The following RPS6KA6 variants were observed in gnomAD, a reference collection of about 807,000 sequenced individuals.
RPS6KA6 encodes the protein ribosomal protein S6 kinase alpha-6.
A neutral mutation model predicts 65.4 loss-of-function variants in RPS6KA6; 27 were observed. The ratio of observed to expected loss-of-function variants is 0.41; its 90% CI spans 0.30 to 0.57. The LOEUF (loss-of-function observed/expected upper bound fraction) is 0.57. Among genes scored for constraint, RPS6KA6 ranks in the 20% least tolerant of loss-of-function variants. RPS6KA6 has a pLI of 0.24. For synonymous variants in RPS6KA6, 190 were observed against 184.2 expected (o/e 1.03, Z -0.26); for missense variants, 486 against 555.6 (o/e 0.87, Z 1.26).
intron 12 of RPS6KA6, 112 bp downstream of exon 12, chrX:84,116,117 T>A: frequency 2.3e-6 from 1 of 434,972 alleles, no homozygotes; most frequent in South Asian, 4.6e-5. Context: ...GAAAAATAAA[T>A]ATGTATGTAA....
At chrX:84,143,962 T>C (rs2035152594) in intron 6 of RPS6KA6, among the ~76,000 whole-genome samples, 1 of 111,222 alleles carries the variant, frequency 9.0e-6, no homozygotes, top group Non-Finnish European at 1.9e-5. Flanking sequence ...AATGATGCTA[T>C]AACAACTGGC....
chrX:84,092,229 T>A (rs1168589030), intron 20 of RPS6KA6, among the ~76,000 whole-genome samples: 3 of 110,213 alleles, frequency 2.7e-5, no homozygotes, highest in African/African-American at 9.9e-5. Context: ...AAAAAAAAAA[T>A]ATTCAGGGAA....
At chrX:84,162,865 CATTTA>C (rs1243958614) in intron 2 of RPS6KA6, among the ~76,000 whole-genome samples, 8 of 112,073 alleles carry the variant, frequency 7.1e-5, no homozygotes, top group Non-Finnish European at 1.3e-4. Flanking sequence ...TGATAGTTTA[CATTTA>C]ATTATACTCA....
rs2033272625 is a variant in RPS6KA6 at position 84,059,823 on chromosome X, A to ATATT, written c.*4450_*4453dup. 8.9e-6 allele frequency: 1 copy of ATATT among 111,975 alleles called. No homozygotes were observed. The highest frequency in any genetic ancestry group is 2.8e-4 in the East Asian group (1 of 3,582). 9.2% of individuals were successfully genotyped at this position (111,975 alleles called of 1,213,427 possible). A position where few individuals can be genotyped will look rare whatever the true frequency, so the allele number is the denominator to read the frequency against. On this transcript the variant is annotated 3_prime_UTR_variant, in exon 22 of 22. Transcript: ENST00000262752. ...ACCCTAACTTGGCAATTACATATAT[A>ATATT]TATTTATTTATAAGCATTTAGCTAA...
At chrX:84,080,696 A>C (rs2033776248) in intron 20 of RPS6KA6, among the ~76,000 whole-genome samples, 1 of 108,260 alleles carries the variant, frequency 9.2e-6, no homozygotes, top group Non-Finnish European at 1.9e-5. Context: ...ACCACATCAC[A>C]CTTATTCTAA....
At chrX:84,148,241 A>C in intron 3 of RPS6KA6, 118 bp from the exon 4 acceptor site, 1 of 413,925 alleles carries the variant, frequency 2.4e-6, no homozygotes, top group Non-Finnish European at 4.2e-6. Context: ...TTATAAACAT[A>C]TGCCTTCCCA....
chrX:84,165,161 T>C (rs1436810843), intron 1 of RPS6KA6, among the ~76,000 whole-genome samples: 1 of 110,695 alleles, frequency 9.0e-6, no homozygotes, highest in Non-Finnish European at 1.9e-5. Flanking sequence ...AAATATTTCC[T>C]ATCTGCACCC....
chrX:84,173,182 T>G (rs755377525), intron 1 of RPS6KA6, among the ~76,000 whole-genome samples: 10 of 110,919 alleles, frequency 9.0e-5, no homozygotes, highest in Non-Finnish European at 1.7e-4. Flanking sequence ...TAGTAATACA[T>G]CACATCAGGT....
At chrX:84,149,164 A>G (rs189360629) in intron 3 of RPS6KA6, among the ~76,000 whole-genome samples, 4 of 112,063 alleles carry the variant, frequency 3.6e-5, no homozygotes, top group African/African-American at 1.3e-4. Flanking sequence ...TTTTATCATG[A>G]GACTGCAGCA....
intron 17 of RPS6KA6, 87 bp downstream of exon 17, chrX:84,104,412 G>T: frequency 1.8e-6 from 1 of 550,348 alleles, no homozygotes; most frequent in Non-Finnish European, 2.6e-6. Context: ...GTGAATAAAA[G>T]CAACTTATTT....
chrX:84,158,921 T>C (rs956820681), intron 2 of RPS6KA6, among the ~76,000 whole-genome samples: 3 of 111,607 alleles, frequency 2.7e-5, no homozygotes, highest in Non-Finnish European at 5.7e-5. Context: ...AGCATGTGTA[T>C]TTTTTAAGCC....
chrX:84,133,466 A>G (rs2034938936), intron 8 of RPS6KA6, among the ~76,000 whole-genome samples: 1 of 111,612 alleles, frequency 9.0e-6, no homozygotes, highest in Admixed American at 9.6e-5. Flanking sequence ...ATAAATTAAT[A>G]TTGATCCTAT....
At chrX:84,153,445 T>C (rs2035363707) in intron 3 of RPS6KA6, among the ~76,000 whole-genome samples, 1 of 111,705 alleles carries the variant, frequency 9.0e-6, no homozygotes, top group Non-Finnish European at 1.9e-5. Context: ...AATAGCATTA[T>C]ACTTGGTGTG....
At chrX:84,170,232 T>TGATA (rs1436171581) in intron 1 of RPS6KA6, among the ~76,000 whole-genome samples, 2 of 108,551 alleles carry the variant, frequency 1.8e-5, no homozygotes, top group Admixed American at 2.0e-4. Context: ...TATTAGTCAC[T>TGATA]GATAGCTTTT....
At chrX:84,150,243 C>A (rs1417706678) in intron 3 of RPS6KA6, among the ~76,000 whole-genome samples, 1 of 111,466 alleles carries the variant, frequency 9.0e-6, no homozygotes, top group Admixed American at 9.6e-5. Context: ...TCTATTTAGA[C>A]CACTAAAACT....
chrX:84,157,700 A>G lies in RPS6KA6; in HGVS notation c.142-1509T>C, dbSNP rs543146001. ...ATACTGAACACAATATAATATTTTTATGTTCAAGAAGGTACTTCAGGTCCC... is the reference window on the plus strand; with the variant it reads ...ATACTGAACACAATATAATATTTTTGTGTTCAAGAAGGTACTTCAGGTCCC... On this transcript the variant is annotated intron_variant, in intron 2 of 21. Transcript: ENST00000262752. Among the ~76,000 whole-genome samples the G allele has an allele frequency of 2.7e-5, 3 of 110,673 alleles. No homozygotes were observed. The East Asian group carries it at 8.5e-4, about 32-fold the overall frequency.
At chrX:84,085,034 G>A (rs2033887735) in intron 20 of RPS6KA6, among the ~76,000 whole-genome samples, 1 of 111,709 alleles carries the variant, frequency 9.0e-6, no homozygotes, top group South Asian at 3.7e-4. Context: ...AGAAATGCTA[G>A]CAATCTTTGC....
chrX:84,117,313 C>T (rs1268733407), intron 10 of RPS6KA6, 71 bp downstream of exon 10: 11 of 743,765 alleles, frequency 1.5e-5, no homozygotes, highest in African/African-American at 6.5e-5. Flanking sequence ...ATTTTAAAAC[C>T]GCAATAATTT....
Position 84,116,254 on chromosome X carries a change from A to T in RPS6KA6, c.983T>A (p.Leu328Gln). Residue 328 changes from leucine to glutamine, a missense_variant, in exon 12 of 22, where the codon CTG becomes CAG. By Grantham distance (113) the Leu-to-Gln change is moderately radical (BLOSUM62 -2). Around this residue, in one of 3 missense-constraint regions of RPS6KA6, gnomAD observed 345 missense variants for 375.0 expected, o/e 0.92. Transcript: ENST00000262752. ...ATCCCAGTCAATATTTGCAAAAAAC[A>T]GATGTCTTTTGATTTCTTCAACTCC... Reference protein sequence around the residue: ...SEGVEEIKRHLFFANIDWDKL... With the variant: ...SEGVEEIKRHQFFANIDWDKL... The T allele has an allele frequency of 8.7e-7, 1 of 1,144,339 alleles. No individual in the cohort carries two copies. The highest frequency in any genetic ancestry group is 1.9e-5 in the South Asian group (1 of 51,898). 94.3% of individuals were successfully genotyped at this position (1,144,339 alleles called of 1,213,427 possible). A position where few individuals can be genotyped will look rare whatever the true frequency, so the allele number is the denominator to read the frequency against.
Sources: gnomAD v4.1 joint callset for allele counts (sites outside exome capture counted in the v4.1 genomes callset) on GRCh38, gnomAD v4.1.1 for gene constraint, gnomAD v4.1.1 regional missense constraint, MANE v1.5 for transcripts, NCBI Gene and HGNC (gene_info 2026-07-23, HGNC 2026-07-21) for gene names.